The following CADPS variants were observed in gnomAD, a reference collection of about 807,000 sequenced individuals.
CADPS encodes the protein calcium-dependent secretion activator 1.
In CADPS, 57 loss-of-function variants were observed where a neutral mutation model predicts 167.3. That is an observed-to-expected ratio of 0.34 (90% CI 0.28 to 0.42). CADPS has a LOEUF of 0.42. Among genes scored for constraint, CADPS ranks in the 20% least tolerant of loss-of-function variants. The pLI is 1.00. For synonymous variants in CADPS, 676 were observed against 635.3 expected, an observed-to-expected ratio of 1.06 and a Z score of -0.96; for missense variants, 1,414 against 1,738.1, an observed-to-expected ratio of 0.81 and a Z score of 3.32.
At chr3:62,824,856 C>T (rs541333217) in intron 1 of CADPS, among the ~76,000 whole-genome samples, 6 of 152,144 alleles carry the variant, frequency 3.9e-5, no homozygotes, top group Admixed American at 3.3e-4. Context: ...CCCAAGCTTC[C>T]TTCTCCCACA....
At chr3:62,496,668 A>G (rs2064853857) in intron 18 of CADPS, among the ~76,000 whole-genome samples, 1 of 152,154 alleles carries the variant, frequency 6.6e-6, no homozygotes, top group Admixed American at 6.5e-5. Flanking sequence ...ACTTTACAGG[A>G]TGAGAGAAGT....
At chr3:62,439,686 T>C (rs2055900949) in intron 27 of CADPS, 1 of 152,214 alleles carries the variant, frequency 6.6e-6, no homozygotes, top group Non-Finnish European at 1.5e-5. Flanking sequence ...CCTGGGGGAC[T>C]TGAGAAACTT....
At chr3:62,445,406 G>A (rs2057034601) in intron 27 of CADPS, among the ~76,000 whole-genome samples, 1 of 152,146 alleles carries the variant, frequency 6.6e-6, no homozygotes, top group Non-Finnish European at 1.5e-5. Flanking sequence ...CCTTGTGCAA[G>A]TTTCTAGCTT....
chr3:62,488,271 A>G (rs1294041556), intron 21 of CADPS, among the ~76,000 whole-genome samples: 1 of 152,170 alleles, frequency 6.6e-6, no homozygotes, highest in Non-Finnish European at 1.5e-5. Context: ...GTCAGATGGA[A>G]GTTCACACTT....
In CADPS at chr3:62,412,146, A is replaced by ATTT. The variant is rs60203483; in HGVS notation, c.3778-8964_3778-8962dup. On this transcript the variant is annotated intron_variant, in intron 28 of 29. Transcript: ENST00000383710. The surrounding 1 kb of genome is among the most constrained non-coding windows in gnomAD (Gnocchi z 4.1). ...AGTGTCATTTTTAGTTGAGGGTAGG[A>ATTT]TTTTTTTTTTTTTTTTTTAACGTCC... Among the ~76,000 whole-genome samples the ATTT allele has an allele frequency of 3.4e-3, 474 of 140,512 alleles. 3 individuals carry two copies. The highest frequency in any genetic ancestry group is 0.011 in the Middle Eastern group (3 of 264). 92.2% of individuals were successfully genotyped at this position (140,512 alleles called of 152,430 possible).
At chr3:62,642,623 G>T (rs1449178032) in intron 6 of CADPS, among the ~76,000 whole-genome samples, 3 of 152,196 alleles carry the variant, frequency 2.0e-5, no homozygotes, top group African/African-American at 7.2e-5. Flanking sequence ...AAAACTGGAG[G>T]CAAGCCAGGT....
rs1195701610 is a variant in CADPS, at chr3:62,847,422, TC to T, written c.441+27166del. Among the ~76,000 whole-genome samples, 15 of 36,522 alleles carry T rather than the reference TC, an allele frequency of 4.1e-4. 2 individuals are homozygous for T. In the South Asian group the frequency reaches 0.013, roughly 31 times the overall value. The allele number at this position is 36,522 out of a possible 152,430, so 24.0% of individuals were successfully genotyped here. A position where few individuals can be genotyped will look rare whatever the true frequency, so the allele number is the denominator to read the frequency against. On this transcript the variant is annotated intron_variant, in intron 1 of 29. Transcript: ENST00000383710. ...TAGGTATATCTCCCAATGCTATCCC[TC>T]CCCCCTCCCCCCACCCCACCACAGT... is the stretch of plus-strand genomic sequence containing the variant.
intron 1 of CADPS, among the ~76,000 whole-genome samples, chr3:62,782,865 T>G (rs2971929): frequency 0.75 from 114,031 of 151,280 alleles, 43,284 homozygotes; most frequent in East Asian, 0.95. Flanking sequence ...GTTCAAACGA[T>G]TCTCCTACCT....
chr3:62,768,926 A>G (rs1349905112), intron 1 of CADPS, among the ~76,000 whole-genome samples: 1 of 152,178 alleles, frequency 6.6e-6, no homozygotes, highest in African/African-American at 2.4e-5. Flanking sequence ...AGTTGGGGGC[A>G]TGGACTTCAG....
At chr3:62,813,366 A>G (rs983668590) in intron 1 of CADPS, among the ~76,000 whole-genome samples, 2 of 152,166 alleles carry the variant, frequency 1.3e-5, no homozygotes, top group Non-Finnish European at 2.9e-5. Flanking sequence ...CAATGGGGAA[A>G]GGACTCCTTG....
At chr3:62,803,442 C>A (rs184005361) in intron 1 of CADPS, among the ~76,000 whole-genome samples, 2 of 151,282 alleles carry the variant, frequency 1.3e-5, no homozygotes, top group Admixed American at 6.6e-5. Context: ...TTAGCTGTCA[C>A]AACTGGAGGT....
chr3:62,527,984 T>C (rs1047618731), intron 13 of CADPS, among the ~76,000 whole-genome samples: 3 of 152,198 alleles, frequency 2.0e-5, no homozygotes, highest in Non-Finnish European at 4.4e-5. Flanking sequence ...TTAGTGTTCA[T>C]AGGAGACTCT....
chr3:62,676,749 A>C (rs2076392445), intron 3 of CADPS, among the ~76,000 whole-genome samples: 1 of 152,166 alleles, frequency 6.6e-6, no homozygotes, highest in Admixed American at 6.5e-5. Flanking sequence ...ATGATGCCAC[A>C]AGGCCCCTGC....
chr3:62,705,233 T>C (rs951781209), intron 3 of CADPS, among the ~76,000 whole-genome samples: 2 of 152,146 alleles, frequency 1.3e-5, no homozygotes, highest in Non-Finnish European at 2.9e-5. Context: ...GTGAGGTCAT[T>C]TGAGATTCTT....
At chr3:62,672,801 G>A (rs11713393) in intron 3 of CADPS, among the ~76,000 whole-genome samples, 11,668 of 152,058 alleles carry the variant, frequency 0.077, 586 homozygotes, top group Non-Finnish European at 0.11. Context: ...TGTATTTTTC[G>A]TAGAGACGGG....
At chr3:62,504,491 T>C (rs2066290755) in intron 17 of CADPS, among the ~76,000 whole-genome samples, 1 of 152,124 alleles carries the variant, frequency 6.6e-6, no homozygotes. Flanking sequence ...GATCTGGTGG[T>C]GAATAAAACA....
At position 62,685,019 on chromosome 3, in the gene CADPS, A is replaced by T. The variant is rs917588224; in HGVS notation, c.889-22625T>A. Reference sequence around the variant, plus strand: ...CTCTGTCCCTGAACTTATAGCTCACAATCAAAGTAGACTGATTTTACTACT... The same window carrying T: ...CTCTGTCCCTGAACTTATAGCTCACTATCAAAGTAGACTGATTTTACTACT... On this transcript the variant is annotated intron_variant, in intron 3 of 29. Coordinates refer to ENST00000383710, the MANE Select transcript of CADPS (RefSeq NM_003716.4). 5.0e-5 allele frequency among the ~76,000 whole-genome samples: 6 copies of T among 121,100 alleles called. 1 individual carries two copies. Among genetic ancestry groups the T allele is most frequent in the African/African-American group, 1.4e-4 (5 of 35,876 alleles). 79.4% of individuals were successfully genotyped at this position (121,100 alleles called of 152,430 possible).
chr3:62,756,130 T>G (rs2083850089), intron 2 of CADPS, among the ~76,000 whole-genome samples: 1 of 151,528 alleles, frequency 6.6e-6, no homozygotes, highest in South Asian at 2.1e-4. Context: ...CTTGGCTCAC[T>G]CAACCTCTGC....
chr3:62,749,180 A>G (rs1172572350), intron 3 of CADPS, among the ~76,000 whole-genome samples: 1 of 152,228 alleles, frequency 6.6e-6, no homozygotes, highest in South Asian at 2.1e-4. Flanking sequence ...AACAGAATAG[A>G]TGTTAAGAAA....
Sources: allele counts gnomAD v4.1 joint callset (sites outside exome capture counted in the v4.1 genomes callset), GRCh38; gene constraint gnomAD v4.1.1; non-coding constraint Gnocchi (gnomAD v3.1); transcripts MANE v1.5; gene names NCBI Gene and HGNC (gene_info 2026-07-23, HGNC 2026-07-21).